Variants in A1BG observed in about 807,000 individuals in gnomAD.
A1BG encodes alpha-1-B glycoprotein.
Under a neutral mutation model 46.0 loss-of-function variants are expected in A1BG, and 44 were observed. The ratio of observed to expected loss-of-function variants is 0.96; its 90% CI spans 0.75 to 1.23. The LOEUF is 1.23. Among genes scored for constraint, A1BG ranks in the 50% most tolerant of loss-of-function variants. The pLI is 0.00. For synonymous variants in A1BG, 316 were observed against 314.7 expected (o/e 1.00, Z -0.04); for missense variants, 707 against 688.8 (o/e 1.03, Z -0.30).
At chr19:58,352,851 T>G (rs1209207400) in intron 3 of A1BG, 77 bp downstream of exon 3, 110 of 1,524,856 alleles carry the variant, frequency 7.2e-5, no homozygotes, top group Non-Finnish European at 9.3e-5. Flanking sequence ...AGACATCGGG[T>G]GACTTGGAGG....
At chr19:58,353,361 C>T (rs377685723) in intron 1 of A1BG, 34 bp from the exon 2 acceptor site, 79 of 1,608,194 alleles carry the variant, frequency 4.9e-5, no homozygotes, top group Admixed American at 1.3e-4. Flanking sequence ...CTCCTGTTCC[C>T]GCCCCCTCCC....
chr19:58,347,704 C>T, intron 6 of A1BG, 64 bp from the exon 7 acceptor site: 2 of 557,648 alleles, frequency 3.6e-6, no homozygotes, highest in Non-Finnish European at 5.1e-6. Flanking sequence ...GGCCACACCC[C>T]AGGCCACACC....
chr19:58,350,944 T>C (rs974949320), intron 5 of A1BG: 7 of 434,682 alleles, frequency 1.6e-5, no homozygotes, highest in African/African-American at 1.2e-4. Context: ...TGCCGCTCAG[T>C]AGTGGATTTG....
In A1BG at chr19:58,350,417, G is replaced by A; in HGVS notation, c.1145C>T (p.Pro382Leu). 1 of 1,550,412 alleles carries A rather than the reference G, an allele frequency of 6.4e-7. No individual in the cohort carries two copies. The highest frequency in any genetic ancestry group is 8.7e-7 in the Non-Finnish European group (1 of 1,146,902). The change falls in exon 6 of 8, where the codon CCT becomes CTT. Residue 382 changes from proline (P) to leucine (L), a missense_variant. Pro to Leu is a moderately conservative substitution (Grantham distance 98). Coordinates refer to ENST00000263100, the MANE Select transcript of A1BG (RefSeq NM_130786.4). Reference protein sequence around the residue: ...YSCVYVDLKPPFGGSAPSERL... With the variant: ...YSCVYVDLKPLFGGSAPSERL... ...CTCGCTGGGCGCGGAGCCCCCGAAAGGCGGCTTCAGGTCCACGTAGACGCA... is the reference window on the plus strand; with the variant it reads ...CTCGCTGGGCGCGGAGCCCCCGAAAAGCGGCTTCAGGTCCACGTAGACGCA...
At chr19:58,347,810 C>T in intron 6 of A1BG, 170 bp from the exon 7 acceptor site, 3 of 378,142 alleles carry the variant, frequency 7.9e-6, no homozygotes, top group Non-Finnish European at 1.4e-5. Context: ...CGAGCTGCGC[C>T]CGCTGCCTTC....
intron 4 of A1BG, 61 bp downstream of exon 4, chr19:58,352,222 G>A (rs1268477006): frequency 6.3e-7 from 1 of 1,581,548 alleles, no homozygotes; most frequent in Non-Finnish European, 8.6e-7. Flanking sequence ...CAGGATGAAT[G>A]TGGTCATGCC....
intron 3 of A1BG, 64 bp downstream of exon 3, chr19:58,352,864 G>T (rs1600506808): frequency 6.5e-7 from 1 of 1,542,710 alleles, no homozygotes; most frequent in East Asian, 2.2e-5. Context: ...CTTGGAGGAA[G>T]GGAGACCCCC....
At chr19:58,347,132 G>A in intron 7 of A1BG, 103 bp from the exon 8 acceptor site, 1 of 1,479,922 alleles carries the variant, frequency 6.8e-7, no homozygotes, top group Non-Finnish European at 9.3e-7. Context: ...CCGGAAGGAA[G>A]CGCGTGGTCG....
intron 6 of A1BG, 24 bp from the exon 7 acceptor site, chr19:58,347,664 G>C: frequency 7.4e-7 from 1 of 1,358,388 alleles, no homozygotes; most frequent in Non-Finnish European, 9.3e-7. Context: ...GCGGGTGGTC[G>C]GGCCAGGCCA....
Position 58,350,390 on chromosome 19 carries a change from C to T in A1BG, c.1172G>A (p.Arg391His). The T allele has an allele frequency of 1.9e-6, 3 of 1,548,318 alleles. No individual in the cohort carries two copies. Among genetic ancestry groups the T allele is most frequent in the Non-Finnish European group, 1.7e-6 (2 of 1,145,710 alleles). ...CTCACCGTCCACGTGCAGCTCCAAGCGCTCGCTGGGCGCGGAGCCCCCGAA... is the reference window on the plus strand; with the variant it reads ...CTCACCGTCCACGTGCAGCTCCAAGTGCTCGCTGGGCGCGGAGCCCCCGAA... ...PPFGGSAPSE[R>H]LELHVDGPPP... Residue 391 changes from arginine to histidine, a missense_variant, in exon 6 of 8, where the codon CGC becomes CAC. Physicochemically the swap from Arg to His is conservative, Grantham distance 29. Transcript: ENST00000263100.
In A1BG at chr19:58,353,076, C is replaced by G; in HGVS notation, c.192G>C (p.Gly64=). ...ETPDFQLFKN[G]VAQEPVHLDS... is the part of the protein sequence containing the mutation. Reference sequence around the variant, plus strand: ...CAAGGTGCACAGGCTCCTGGGCCACCCCATTCTTGAACAGCTGGAAGTCTG... The same window carrying G: ...CAAGGTGCACAGGCTCCTGGGCCACGCCATTCTTGAACAGCTGGAAGTCTG... The change falls in exon 3 of 8, where the codon GGG becomes GGC. Residue 64 remains glycine, a synonymous_variant. Coordinates refer to ENST00000263100, the MANE Select transcript of A1BG (RefSeq NM_130786.4). 6.2e-7 allele frequency: 1 copy of G among 1,614,208 alleles called. No homozygotes were observed. Among genetic ancestry groups the G allele is most frequent in the Non-Finnish European group, 8.5e-7 (1 of 1,180,036 alleles).
rs1255801696 is a variant in A1BG at position 58,351,792 on chromosome 19, A to ATTT, written c.614-106_614-105insAAA. 5.3e-5 allele frequency: 51 copies of ATTT among 968,304 alleles called. 1 individual carries two copies. In the African/African-American group the frequency reaches 7.6e-4, roughly 14 times the overall value. 60.0% of individuals were successfully genotyped at this position (968,304 alleles called of 1,614,324 possible). A position where few individuals can be genotyped will look rare whatever the true frequency, so the allele number is the denominator to read the frequency against. ...GTGGCAATCCCAGGAACACCCTTCC[A>ATTT]TTCTTTTTTTTTTTTTTTTTTGAAA... On this transcript the variant is annotated intron_variant, in intron 4 of 7. Coordinates refer to ENST00000263100, the MANE Select transcript of A1BG (RefSeq NM_130786.4).
At position 58,352,423 on chromosome 19, in the gene A1BG, A is replaced by G; in HGVS notation, c.473T>C (p.Phe158Ser). ...CTCCTGGGCCTCAGGCACCTCCAGA[A>G]ACTCATGGTCGCCCTCCCGCCTCAG... ...FLLRREGDHE[F>S]LEVPEAQEDV... Residue 158 changes from phenylalanine to serine, a missense_variant, in exon 4 of 8, where the codon TTT (phenylalanine) becomes TCT (serine). By Grantham distance (155) the Phe-to-Ser change is radical (BLOSUM62 -2). Transcript: ENST00000263100. The G allele has an allele frequency of 1.2e-6, 2 of 1,613,748 alleles. No homozygotes were observed. Among genetic ancestry groups the G allele is most frequent in the Non-Finnish European group, 1.7e-6 (2 of 1,180,000 alleles).
rs776948818 is a variant in A1BG at position 58,347,557 on chromosome 19, G to C, written c.1276C>G (p.Pro426Ala). 3.2e-6 allele frequency: 5 copies of C among 1,559,404 alleles called. No individual in the cohort carries two copies. The South Asian group carries it at 3.5e-5, about 11-fold the overall frequency. ...GRDAVLRCEG[P>A]IPDVTFELLR... ...AGCTCGAAGGTGACGTCGGGGATGGGTCCCTCGCAGCGCAGGACGGCATCT... is the reference window on the plus strand; with the variant it reads ...AGCTCGAAGGTGACGTCGGGGATGGCTCCCTCGCAGCGCAGGACGGCATCT... Residue 426 changes from proline to alanine, a missense_variant, in exon 7 of 8, where the codon CCC becomes GCC. Pro to Ala is a conservative substitution (Grantham distance 27). Coordinates refer to ENST00000263100, the MANE Select transcript of A1BG (RefSeq NM_130786.4).
intron 3 of A1BG, 35 bp from the exon 4 acceptor site, chr19:58,352,590 A>AT (rs1568554557): frequency 6.3e-7 from 1 of 1,591,440 alleles, no homozygotes; most frequent in South Asian, 1.1e-5. Flanking sequence ...GTGCTTCTGC[A>AT]TAACAGGAGA....
In A1BG at chr19:58,347,590, C is replaced by A. The variant is rs1315160985; in HGVS notation, c.1243G>T (p.Ala415Ser). The stretch of plus-strand genomic sequence containing the variant: ...CAGCGCAGGACGGCATCTCGGCCCG[C>A]CAGGACCGCCCCACTCCACGTCGCC... Reference protein sequence around the residue: ...LRATWSGAVLAGRDAVLRCEG... With the variant: ...LRATWSGAVLSGRDAVLRCEG... Residue 415 changes from alanine to serine, a missense_variant, in exon 7 of 8, where the codon GCG becomes TCG. Coordinates refer to ENST00000263100, the MANE Select transcript of A1BG (RefSeq NM_130786.4). 3 of 1,510,540 alleles carry A rather than the reference C, an allele frequency of 2.0e-6. No individual in the cohort carries two copies. The highest frequency in any genetic ancestry group is 2.6e-6 in the Non-Finnish European group (3 of 1,135,084). The allele number at this position is 1,510,540 out of a possible 1,614,324, so 93.6% of individuals were successfully genotyped here.
At chr19:58,353,356 G>A (rs756109947) in intron 1 of A1BG, 29 bp from the exon 2 acceptor site, 12 of 1,610,318 alleles carry the variant, frequency 7.5e-6, no homozygotes, top group Non-Finnish European at 1.0e-5. Flanking sequence ...TAAGGCTCCT[G>A]TTCCCGCCCC....
intron 6 of A1BG, 45 bp from the exon 7 acceptor site, chr19:58,347,685 C>A: frequency 8.0e-7 from 1 of 1,253,120 alleles, no homozygotes; most frequent in Non-Finnish European, 1.0e-6. Flanking sequence ...CGCCCCAGGC[C>A]ACGCCCCAGG....
At chr19:58,351,046 C>CA in intron 5 of A1BG, 1 of 452,222 alleles carries the variant, frequency 2.2e-6, no homozygotes. Flanking sequence ...GTCCGGTGCT[C>CA]AGAGTTTGCT....
Sources: allele counts gnomAD v4.1 joint callset, GRCh38; gene constraint gnomAD v4.1.1; transcripts MANE v1.5; gene names NCBI Gene and HGNC (gene_info 2026-07-23, HGNC 2026-07-21).